Variants in SLC2A13 observed in about 807,000 individuals in gnomAD.
The protein encoded by SLC2A13 is proton myo-inositol cotransporter.
In SLC2A13, 32 loss-of-function variants were observed where a neutral mutation model predicts 64.4. The ratio of observed to expected loss-of-function variants is 0.50; its 90% CI spans 0.37 to 0.67. SLC2A13 has a LOEUF of 0.67. Ranked by LOEUF, SLC2A13 falls within the 30% of genes least tolerant of loss-of-function variation. SLC2A13 has a pLI of 0.00. For missense variants in SLC2A13, 743 were observed against 829.2 expected, an observed-to-expected ratio of 0.90 and a Z score of 1.28; for synonymous variants, 338 against 327.1, an observed-to-expected ratio of 1.03 and a Z score of -0.36.
intron 7 of SLC2A13, among the ~76,000 whole-genome samples, chr12:39,814,814 CAT>C (rs888915051): frequency 2.6e-5 from 4 of 152,150 alleles, no homozygotes; most frequent in African/African-American, 7.2e-5. Flanking sequence ...CACAATTATG[CAT>C]ATGTCACAAT....
At chr12:39,976,408 A>C (rs999063947) in intron 3 of SLC2A13, among the ~76,000 whole-genome samples, 1 of 152,242 alleles carries the variant, frequency 6.6e-6, no homozygotes, top group African/African-American at 2.4e-5. Flanking sequence ...TCATGACCGC[A>C]GAGTTGCAAA....
intron 4 of SLC2A13, chr12:39,950,850 T>C (rs764735156): frequency 9.1e-5 from 18 of 198,046 alleles, no homozygotes; most frequent in African/African-American, 1.2e-4. Flanking sequence ...CATTGCACTG[T>C]AGTAGACTGC....
chr12:39,934,110 TAA>T (rs1211345716), intron 4 of SLC2A13, among the ~76,000 whole-genome samples: 5 of 152,162 alleles, frequency 3.3e-5, no homozygotes, highest in Non-Finnish European at 5.9e-5. Flanking sequence ...TGTTAGTTGA[TAA>T]AAAGGGATTG....
intron 1 of SLC2A13, among the ~76,000 whole-genome samples, chr12:40,060,921 A>G (rs1206957322): frequency 6.6e-6 from 1 of 152,182 alleles, no homozygotes; most frequent in Non-Finnish European, 1.5e-5. Context: ...GAGAATCAAA[A>G]GACATGACAA....
intron 3 of SLC2A13, among the ~76,000 whole-genome samples, chr12:39,995,495 T>A (rs147195814): frequency 4.1e-4 from 63 of 152,298 alleles, no homozygotes; most frequent in African/African-American, 1.5e-3. Context: ...TATGAGAACA[T>A]GTGCATGTCA....
intron 3 of SLC2A13, among the ~76,000 whole-genome samples, chr12:39,967,514 C>T (rs570074670): frequency 6.6e-5 from 10 of 152,120 alleles, no homozygotes; most frequent in African/African-American, 2.4e-4. Flanking sequence ...TATATGACTC[C>T]TTATGTAAAA....
At chr12:39,934,690 C>T (rs1380388794) in intron 4 of SLC2A13, among the ~76,000 whole-genome samples, 1 of 152,190 alleles carries the variant, frequency 6.6e-6, no homozygotes, top group African/African-American at 2.4e-5. Context: ...ATGCTGGAAA[C>T]TAAAGTTGAA....
chr12:39,838,506 T>TA lies in SLC2A13; in HGVS notation c.1320-8279dup, dbSNP rs5797639. On this transcript the variant is annotated intron_variant, in intron 6 of 9. Transcript: ENST00000280871. ...TAAAGTATAATAAAAAAAAATAAAT[T>TA]AAAAAAAAAAAAAAGAAAGGGAGAA... 8.9e-4 allele frequency among the ~76,000 whole-genome samples: 126 copies of TA among 142,338 alleles called. No homozygotes were observed. The East Asian group carries it at 9.6e-3, about 11-fold the overall frequency. The allele number at this position is 142,338 out of a possible 152,430, so 93.4% of individuals were successfully genotyped here.
chr12:40,045,654 T>G (rs1044709450), intron 2 of SLC2A13, among the ~76,000 whole-genome samples: 2 of 152,016 alleles, frequency 1.3e-5, no homozygotes, highest in South Asian at 4.2e-4. Context: ...TTCAAAACAA[T>G]CTGGTTGTTA....
chr12:40,002,353 A>G (rs1392565133), intron 3 of SLC2A13, among the ~76,000 whole-genome samples: 3 of 152,154 alleles, frequency 2.0e-5, no homozygotes, highest in African/African-American at 7.2e-5. Context: ...CCCAATTCAC[A>G]CCCAGCTCTG....
chr12:39,998,241 G>A (rs563990302), intron 3 of SLC2A13, among the ~76,000 whole-genome samples: 1 of 152,340 alleles, frequency 6.6e-6, no homozygotes, highest in South Asian at 2.1e-4. Context: ...CAACCTGCAG[G>A]AGACTGGAAA....
At chr12:39,896,513 TGTGTATAC>T (rs1414685558) in intron 4 of SLC2A13, among the ~76,000 whole-genome samples, 1 of 147,464 alleles carries the variant, frequency 6.8e-6, no homozygotes, top group African/African-American at 2.5e-5. Flanking sequence ...TATGTACATG[TGTGTATAC>T]ATGTATACAT....
At chr12:40,039,832 C>T (rs1360907917) in intron 2 of SLC2A13, among the ~76,000 whole-genome samples, 3 of 152,142 alleles carry the variant, frequency 2.0e-5, no homozygotes, top group African/African-American at 7.2e-5. Flanking sequence ...ACCTACAGTC[C>T]AAAGTTTACA....
In SLC2A13 at chr12:39,959,048, A is replaced by C. The variant is rs543560650; in HGVS notation, c.926-7683T>G. 2.6e-5 allele frequency among the ~76,000 whole-genome samples: 4 copies of C among 152,302 alleles called. No homozygotes were observed. The East Asian group carries it at 7.7e-4, about 29-fold the overall frequency. ...GATGAATATAAGGAATAAAAGAAGG[A>C]AAGAAGAGAAAAAAAGAGAAACACC... On this transcript the variant is annotated intron_variant, in intron 3 of 9. Transcript: ENST00000280871.
chr12:39,777,239 A>G (rs1161074311), intron 7 of SLC2A13, among the ~76,000 whole-genome samples: 2 of 152,218 alleles, frequency 1.3e-5, no homozygotes, highest in African/African-American at 2.4e-5. Flanking sequence ...AAGAGACCGG[A>G]CTAAACTGAG....
chr12:39,935,542 C>T (rs1414433656), intron 4 of SLC2A13, among the ~76,000 whole-genome samples: 1 of 152,186 alleles, frequency 6.6e-6, no homozygotes, highest in Admixed American at 6.5e-5. Context: ...CTAGCTGGTT[C>T]TCCCTGGGGA....
chr12:39,896,237 T>C (rs529703876), intron 4 of SLC2A13, among the ~76,000 whole-genome samples: 3 of 101,162 alleles, frequency 3.0e-5, no homozygotes, highest in African/African-American at 1.1e-4. Context: ...TGCATATGTG[T>C]ATATATGTAT....
chr12:39,993,276 A>G (rs1565580404), intron 3 of SLC2A13, among the ~76,000 whole-genome samples: 2 of 152,222 alleles, frequency 1.3e-5, no homozygotes, highest in Non-Finnish European at 1.5e-5. Flanking sequence ...TTTGACTTTG[A>G]TATTTTATCA....
chr12:39,922,105 A>G (rs1485278117), intron 4 of SLC2A13, among the ~76,000 whole-genome samples: 1 of 152,190 alleles, frequency 6.6e-6, no homozygotes, highest in Non-Finnish European at 1.5e-5. Context: ...ACACTGCTAG[A>G]GGTGTACAAA....
Sources: gnomAD v4.1 joint callset for allele counts (sites outside exome capture counted in the v4.1 genomes callset) on GRCh38, gnomAD v4.1.1 for gene constraint, MANE v1.5 for transcripts, NCBI Gene and HGNC (gene_info 2026-07-23, HGNC 2026-07-21) for gene names.